The following MGMT variants were observed in gnomAD, a reference collection of about 807,000 sequenced individuals.
The protein encoded by MGMT is methylated-DNA--protein-cysteine methyltransferase.
In MGMT, 14 loss-of-function variants were observed where a neutral mutation model predicts 15.9. That is an observed-to-expected ratio of 0.88 (90% CI 0.58 to 1.37). The LOEUF is 1.37. MGMT is among the 40% of genes most tolerant of loss of function. The pLI is 0.00. For synonymous variants in MGMT, 130 were observed against 118.2 expected, an observed-to-expected ratio of 1.10 and a Z score of -0.65; for missense variants, 282 against 268.1, an observed-to-expected ratio of 1.05 and a Z score of -0.36.
At chr10:129,658,011 C>T (rs976544656) in intron 2 of MGMT, among the ~76,000 whole-genome samples, 3 of 152,144 alleles carry the variant, frequency 2.0e-5, no homozygotes, top group African/African-American at 7.2e-5. Context: ...TCTCCCCCAT[C>T]CCCCAAAGAT....
chr10:129,630,384 A>G (rs1280782167), intron 2 of MGMT, among the ~76,000 whole-genome samples: 1 of 152,158 alleles, frequency 6.6e-6, no homozygotes, highest in African/African-American at 2.4e-5. Flanking sequence ...CGCCGTGAGG[A>G]GCTCTTTGGT....
chr10:129,565,517 A>G (rs901698242), intron 2 of MGMT, among the ~76,000 whole-genome samples: 2 of 152,208 alleles, frequency 1.3e-5, no homozygotes, highest in African/African-American at 2.4e-5. Context: ...AGAAAAATAT[A>G]TTGAAAATGA....
Position 129,536,238 on chromosome 10 carries a change from T to G in MGMT, c.-12-3T>G. 4 of 1,613,824 alleles carry G rather than the reference T, an allele frequency of 2.5e-6. No individual in the cohort carries two copies. The highest frequency in any genetic ancestry group is 3.4e-6 in the Non-Finnish European group (4 of 1,179,926). On this transcript the variant is annotated splice_region_variant and splice_polypyrimidine_tract_variant and intron_variant, in intron 1 of 4. Transcript: ENST00000651593. Reference sequence around the variant, plus strand: ...CTTTGTCTTAAAAATTATTTCTGTTTAGGTACTTGGAAAAATGGACAAGGA... The same window carrying G: ...CTTTGTCTTAAAAATTATTTCTGTTGAGGTACTTGGAAAAATGGACAAGGA...
intron 3 of MGMT, among the ~76,000 whole-genome samples, chr10:129,710,243 C>T (rs1564769820): frequency 1.3e-5 from 2 of 152,226 alleles, no homozygotes; most frequent in South Asian, 4.1e-4. Context: ...CGTGGCCCTG[C>T]CCCTCTTGGA....
intron 2 of MGMT, among the ~76,000 whole-genome samples, chr10:129,669,770 G>A (rs1847701209): frequency 6.6e-6 from 1 of 152,174 alleles, no homozygotes; most frequent in Non-Finnish European, 1.5e-5. Flanking sequence ...ATCTGGAGAA[G>A]TAAATGAACA....
chr10:129,643,309 G>C (rs756903168), intron 2 of MGMT, among the ~76,000 whole-genome samples: 47 of 152,212 alleles, frequency 3.1e-4, no homozygotes, highest in Non-Finnish European at 6.6e-4. Flanking sequence ...AGAAAAACTG[G>C]AGTAAGCAGT....
Position 129,622,877 on chromosome 10 carries a change from T to C in MGMT, c.126-85018T>C, listed in dbSNP as rs80349676. Reference sequence around the variant, plus strand: ...GGAGATTTGAGTAGCCCCTGGAATGTTGAGTGACTCTGACTTGTGGAATGC... The same window carrying C: ...GGAGATTTGAGTAGCCCCTGGAATGCTGAGTGACTCTGACTTGTGGAATGC... On this transcript the variant is annotated intron_variant, in intron 2 of 4. Coordinates refer to ENST00000651593, the MANE Select transcript of MGMT (RefSeq NM_002412.5). 2.3e-3 allele frequency among the ~76,000 whole-genome samples: 350 copies of C among 152,262 alleles called. 11 individuals carry two copies. In the East Asian group the frequency reaches 0.054, roughly 23 times the overall value.
At chr10:129,657,714 C>CACAG (rs1847545591) in intron 2 of MGMT, among the ~76,000 whole-genome samples, 2 of 150,590 alleles carry the variant, frequency 1.3e-5, no homozygotes, top group Non-Finnish European at 3.0e-5. Flanking sequence ...CACGCACACA[C>CACAG]ACACACACAC....
intron 2 of MGMT, among the ~76,000 whole-genome samples, chr10:129,627,232 GT>G: frequency 6.6e-6 from 1 of 151,658 alleles, no homozygotes; most frequent in African/African-American, 2.4e-5. Flanking sequence ...TCCAGTTACT[GT>G]TTTTCTCACG....
intron 1 of MGMT, among the ~76,000 whole-genome samples, chr10:129,483,924 T>TG (rs1845384020): frequency 6.6e-6 from 1 of 152,154 alleles, no homozygotes; most frequent in Admixed American, 6.5e-5. Flanking sequence ...ACCTTGGGGA[T>TG]GTGACCCAAG....
chr10:129,685,912 TTTAA>T (rs1227254575), intron 2 of MGMT, among the ~76,000 whole-genome samples: 1 of 152,226 alleles, frequency 6.6e-6, no homozygotes, highest in Non-Finnish European at 1.5e-5. Flanking sequence ...TGCAACTGTA[TTTAA>T]TTATTCCCTA....
intron 1 of MGMT, among the ~76,000 whole-genome samples, chr10:129,531,705 A>C (rs557676923): frequency 6.9e-6 from 1 of 145,016 alleles, no homozygotes; most frequent in African/African-American, 2.5e-5. Context: ...AAAAGGTAGT[A>C]TGCAGGTTTC....
At chr10:129,625,737 G>GTGTGTGCATGCATGTA (rs1491510178) in intron 2 of MGMT, among the ~76,000 whole-genome samples, 1 of 58 alleles carries the variant, frequency 0.017, no homozygotes, top group Non-Finnish European at 0.25. Flanking sequence ...GTGTGTGTGC[G>GTGTGTGCATGCATGTA]TGTGTGTGCA....
At chr10:129,534,263 C>G (rs891507463) in intron 1 of MGMT, among the ~76,000 whole-genome samples, 1 of 152,044 alleles carries the variant, frequency 6.6e-6, no homozygotes, top group African/African-American at 2.4e-5. Flanking sequence ...TTTGCCCTCT[C>G]GGGAAGCCTG....
At chr10:129,644,517 G>A (rs187263201) in intron 2 of MGMT, among the ~76,000 whole-genome samples, 12 of 152,238 alleles carry the variant, frequency 7.9e-5, no homozygotes, top group African/African-American at 2.9e-4. Flanking sequence ...GGGTCCCACT[G>A]CAAAGGGCCC....
chr10:129,553,444 C>T (rs995160440), intron 2 of MGMT, among the ~76,000 whole-genome samples: 12 of 152,248 alleles, frequency 7.9e-5, no homozygotes, highest in African/African-American at 2.2e-4. Flanking sequence ...CAGCACCTTG[C>T]GAGCAGTGGT....
At chr10:129,747,411 T>C (rs937100388) in intron 3 of MGMT, among the ~76,000 whole-genome samples, 31 of 152,316 alleles carry the variant, frequency 2.0e-4, no homozygotes, top group African/African-American at 7.2e-4. Context: ...GGTGTTAAAT[T>C]GTATTAAATA....
At chr10:129,552,147 G>A (rs927886064) in intron 2 of MGMT, among the ~76,000 whole-genome samples, 7 of 152,258 alleles carry the variant, frequency 4.6e-5, no homozygotes, top group African/African-American at 1.7e-4. Context: ...AGGAAGGCCA[G>A]TGGGGCCGCA....
At chr10:129,704,822 AC>A (rs59375279) in intron 2 of MGMT, among the ~76,000 whole-genome samples, 2,962 of 151,984 alleles carry the variant, frequency 0.019, 103 homozygotes, top group African/African-American at 0.068. Context: ...AGACTTTTAC[AC>A]CCACAAAATG....
Sources: allele counts gnomAD v4.1 joint callset (sites outside exome capture counted in the v4.1 genomes callset), GRCh38; gene constraint gnomAD v4.1.1; transcripts MANE v1.5; gene names NCBI Gene and HGNC (gene_info 2026-07-23, HGNC 2026-07-21).